COL23A1: variants seen among roughly 807,000 people sequenced by gnomAD.
The protein encoded by COL23A1 is collagen type XXIII alpha 1 chain.
COL23A1 carries 97 observed loss-of-function variants against 99.3 expected under a neutral mutation model. The observed-to-expected ratio is 0.98, with a 90% confidence interval of 0.83 to 1.16. The LOEUF is 1.16. COL23A1 is among the 50% of genes most tolerant of loss of function. The probability of loss-of-function intolerance (pLI) is 0.00; values close to 1 mark genes in which losing one functional copy is unlikely to be tolerated. For missense variants in COL23A1, 762 were observed against 757.4 expected (o/e 1.01, Z -0.07); for synonymous variants, 320 against 308.2 (o/e 1.04, Z -0.40).
In COL23A1 at chr5:178,237,994, C is replaced by T. The variant is rs1764201658; in HGVS notation, c.*704G>A. 1 of 153,304 alleles carries T rather than the reference C, an allele frequency of 6.5e-6. No individual in the cohort carries two copies. Among genetic ancestry groups the T allele is most frequent in the African/African-American group, 2.4e-5 (1 of 41,464 alleles). The allele number at this position is 153,304 out of a possible 1,614,324, so 9.5% of individuals were successfully genotyped here. ...GCAGTCAGTCCAGGCTGGGCCCCTC[C>T]ATCCTCGACACTCTGCTCCCTGGAG... On this transcript the variant is annotated 3_prime_UTR_variant, in exon 29 of 29. Transcript: ENST00000390654.
chr5:178,471,404 A>C (rs1756743252), intron 2 of COL23A1, among the ~76,000 whole-genome samples: 2 of 152,076 alleles, frequency 1.3e-5, no homozygotes, highest in African/African-American at 4.8e-5. Flanking sequence ...ACACCTGGCT[A>C]ATTTTTGTAT....
chr5:178,241,631 G>T (rs1224704272), intron 27 of COL23A1, among the ~76,000 whole-genome samples: 1 of 152,164 alleles, frequency 6.6e-6, no homozygotes, highest in South Asian at 2.1e-4. Context: ...GGTTCCCTCC[G>T]CAGGGCCCAG....
chr5:178,445,875 A>AATAT (rs1261946695), intron 2 of COL23A1, among the ~76,000 whole-genome samples: 1 of 152,140 alleles, frequency 6.6e-6, no homozygotes, highest in Non-Finnish European at 1.5e-5. Flanking sequence ...ACCATTTTGC[A>AATAT]ATATATATTC....
At position 178,409,489 on chromosome 5, in the gene COL23A1, A is replaced by AGTGTGT. The variant is rs34824661; in HGVS notation, c.362-102576_362-102571dup. Among the ~76,000 whole-genome samples, 1,126 of 151,410 alleles carry AGTGTGT rather than the reference A, an allele frequency of 7.4e-3. 15 individuals carry two copies. Among genetic ancestry groups the AGTGTGT allele is most frequent in the African/African-American group, 0.025 (1,037 of 41,306 alleles). ...TAGTGACTGTGGTGGTATTTACACTAGTGTGTGTGTGTGTGATAAAATGGC... is the reference window on the plus strand; with the variant it reads ...TAGTGACTGTGGTGGTATTTACACTAGTGTGTGTGTGTGTGTGTGTGATAAAATGGC... On this transcript the variant is annotated intron_variant, in intron 2 of 28. Transcript: ENST00000390654.
intron 2 of COL23A1, among the ~76,000 whole-genome samples, chr5:178,380,049 C>G (rs1212738444): frequency 2.0e-5 from 3 of 152,154 alleles, no homozygotes; most frequent in Non-Finnish European, 4.4e-5. Flanking sequence ...GTTCCTGAAC[C>G]GATGCTGCCT....
At chr5:178,336,602 G>A (rs1344634926) in intron 2 of COL23A1, among the ~76,000 whole-genome samples, 1 of 152,212 alleles carries the variant, frequency 6.6e-6, no homozygotes, top group East Asian at 1.9e-4. Flanking sequence ...TGCTTACAGG[G>A]GAGGAGTATC....
At chr5:178,572,964 T>C (rs1256583012) in intron 1 of COL23A1, among the ~76,000 whole-genome samples, 3 of 152,174 alleles carry the variant, frequency 2.0e-5, no homozygotes, top group Non-Finnish European at 2.9e-5. Flanking sequence ...ACAAAGAGTG[T>C]GTTATTCCAC....
rs1362391533 is a variant in COL23A1 at position 178,585,724 on chromosome 5, A to AATGCCCT, written c.294+4179_294+4180insAGGGCAT. 5.8e-3 allele frequency among the ~76,000 whole-genome samples: 717 copies of AATGCCCT among 124,538 alleles called. 50 individuals are homozygous for AATGCCCT. Among genetic ancestry groups the AATGCCCT allele is most frequent in the East Asian group, 0.012 (52 of 4,384 alleles). The allele number at this position is 124,538 out of a possible 152,430, so 81.7% of individuals were successfully genotyped here. A position where few individuals can be genotyped will look rare whatever the true frequency, so the allele number is the denominator to read the frequency against. On this transcript the variant is annotated intron_variant, in intron 1 of 28. Coordinates refer to ENST00000390654, the MANE Select transcript of COL23A1 (RefSeq NM_173465.4). ...CTACAGCCCTGGATGGCGCTGGGGT[A>AATGCCCT]ACACTCCACAGCCCTGGCTGACCCT... is the stretch of plus-strand genomic sequence containing the variant.
chr5:178,476,197 G>A (rs1000042797), intron 2 of COL23A1, among the ~76,000 whole-genome samples: 11 of 152,226 alleles, frequency 7.2e-5, no homozygotes, highest in South Asian at 4.2e-4. Context: ...AATAATAGGC[G>A]TCATAATAGG....
intron 2 of COL23A1, among the ~76,000 whole-genome samples, chr5:178,446,307 A>G (rs926895535): frequency 6.6e-6 from 1 of 152,012 alleles, no homozygotes; most frequent in African/African-American, 2.4e-5. Context: ...ATAAAACTAC[A>G]TGAAAAATAA....
rs1223542330 is a variant in COL23A1 at position 178,523,201 on chromosome 5, T to TATAGAGAGAG, written c.361+37480_361+37481insCTCTCTCTAT. The stretch of plus-strand genomic sequence containing the variant: ...ATACACATATATATATATATATATA[T>TATAGAGAGAG]AGAGAGAGAGAGAGAGAGAGAGAGA... On this transcript the variant is annotated intron_variant, in intron 2 of 28. Coordinates refer to ENST00000390654, the MANE Select transcript of COL23A1 (RefSeq NM_173465.4). 8.7e-3 allele frequency among the ~76,000 whole-genome samples: 678 copies of TATAGAGAGAG among 77,492 alleles called. 4 individuals carry two copies. The highest frequency in any genetic ancestry group is 0.01 in the Non-Finnish European group (397 of 39,608). 50.8% of individuals were successfully genotyped at this position (77,492 alleles called of 152,430 possible).
chr5:178,553,317 T>C (rs1358742878), intron 2 of COL23A1, among the ~76,000 whole-genome samples: 1 of 152,190 alleles, frequency 6.6e-6, no homozygotes, highest in African/African-American at 2.4e-5. Flanking sequence ...CCATAAACTA[T>C]CAACGAAATG....
chr5:178,576,000 G>T (rs1763333105), intron 1 of COL23A1, among the ~76,000 whole-genome samples: 1 of 152,180 alleles, frequency 6.6e-6, no homozygotes, highest in Non-Finnish European at 1.5e-5. Context: ...ACTCAAATTG[G>T]CCTGGACAGT....
At chr5:178,498,243 T>A (rs1285174791) in intron 2 of COL23A1, among the ~76,000 whole-genome samples, 1 of 59,084 alleles carries the variant, frequency 1.7e-5, no homozygotes, top group East Asian at 1.8e-3. Context: ...TATATATATA[T>A]ATATATATAT....
chr5:178,302,263 G>C (rs1758103339), intron 3 of COL23A1, among the ~76,000 whole-genome samples: 1 of 137,042 alleles, frequency 7.3e-6, no homozygotes, highest in Non-Finnish European at 1.6e-5. Flanking sequence ...GTGCGCCGGA[G>C]CACGGCTTCA....
chr5:178,297,377 G>A (rs2127593586), intron 3 of COL23A1, among the ~76,000 whole-genome samples: 1 of 152,320 alleles, frequency 6.6e-6, no homozygotes, highest in Non-Finnish European at 1.5e-5. Context: ...TATTAGCTGG[G>A]TGTGGTGGTG....
At chr5:178,270,445 AGT>A (rs1756223969) in intron 5 of COL23A1, 82 bp from the exon 6 acceptor site, 2 of 1,542,520 alleles carry the variant, frequency 1.3e-6, no homozygotes, top group South Asian at 2.3e-5. Flanking sequence ...TGCACTATTC[AGT>A]GACAAGAAAA....
At position 178,237,921 on chromosome 5, in the gene COL23A1, C is replaced by T. The variant is rs945957638; in HGVS notation, c.*777G>A. ...CCTGCCTCCCTGGTCCAGGCCATGT[C>T]CTATCTTGTCCCTCTCTGGGTGATA... On this transcript the variant is annotated 3_prime_UTR_variant, in exon 29 of 29. Coordinates refer to ENST00000390654, the MANE Select transcript of COL23A1 (RefSeq NM_173465.4). 1.3e-5 allele frequency: 2 copies of T among 152,508 alleles called. No homozygotes were observed. The highest frequency in any genetic ancestry group is 4.8e-5 in the African/African-American group (2 of 41,460). 9.4% of individuals were successfully genotyped at this position (152,508 alleles called of 1,614,324 possible). A position where few individuals can be genotyped will look rare whatever the true frequency, so the allele number is the denominator to read the frequency against.
At chr5:178,423,393 G>A (rs532216026) in intron 2 of COL23A1, among the ~76,000 whole-genome samples, 2 of 152,314 alleles carry the variant, frequency 1.3e-5, no homozygotes, top group African/African-American at 4.8e-5. Flanking sequence ...ATGTGATCAT[G>A]AGAATGAACC....
Sources: gnomAD v4.1 joint callset for allele counts (sites outside exome capture counted in the v4.1 genomes callset) on GRCh38, gnomAD v4.1.1 for gene constraint, MANE v1.5 for transcripts, NCBI Gene and HGNC (gene_info 2026-07-23, HGNC 2026-07-21) for gene names.